The following COG5 variants were observed in gnomAD, a reference collection of about 807,000 sequenced individuals.
The protein encoded by COG5 is component of oligomeric golgi complex 5, also known as conserved oligomeric Golgi complex subunit 5.
COG5 carries 86 observed loss-of-function variants against 110.4 expected under a neutral mutation model. The observed-to-expected ratio is 0.78, with a 90% CI of 0.65 to 0.93. COG5 has a LOEUF of 0.93. Ranked by LOEUF, COG5 falls within the 40% of genes least tolerant of loss-of-function variation. COG5 has a pLI of 0.00. For missense variants in COG5, 1,077 were observed against 987.0 expected, an observed-to-expected ratio of 1.09 and a Z score of -1.22; for synonymous variants, 360 against 334.6, an observed-to-expected ratio of 1.08 and a Z score of -0.83.
rs545207041 is a variant in COG5, at chr7:107,227,408, T to C, written c.2168+3207A>G. Among the ~76,000 whole-genome samples the C allele has an allele frequency of 7.5e-5, 11 of 147,102 alleles. 1 individual carries two copies. The South Asian group carries it at 2.4e-3, about 31-fold the overall frequency. On this transcript the variant is annotated intron_variant, in intron 19 of 21. Transcript: ENST00000297135. ...CTGTTACGCCATAAGAAGCTAGATA[T>C]AAAAAAAAAAGTAGAACTATTAAAA...
intron 6 of COG5, among the ~76,000 whole-genome samples, chr7:107,509,623 A>G (rs1799336028): frequency 6.6e-6 from 1 of 152,216 alleles, no homozygotes. Context: ...GAAATGAAGG[A>G]CAAAATGTTA....
In COG5 at chr7:107,560,666, G is replaced by A. The variant is rs575275336; in HGVS notation, c.95-2551C>T. Among the ~76,000 whole-genome samples, 10 of 152,218 alleles carry A rather than the reference G, an allele frequency of 6.6e-5. No individual in the cohort carries two copies. In the East Asian group the frequency reaches 1.5e-3, roughly 23 times the overall value. On this transcript the variant is annotated intron_variant, in intron 1 of 21. Transcript: ENST00000297135. ...ACCAGAGGAAAAGATTAGGAGAGAA[G>A]AACAGAAAAAGTGAATTCATTTCAT...
chr7:107,372,249 T>A (rs770590018), intron 8 of COG5, among the ~76,000 whole-genome samples: 10 of 152,206 alleles, frequency 6.6e-5, no homozygotes, highest in Non-Finnish European at 1.2e-4. Flanking sequence ...CCTTAAAAAA[T>A]ATTTTCTGTC....
chr7:107,240,719 C>T (rs1159354666), intron 17 of COG5, among the ~76,000 whole-genome samples: 2 of 152,234 alleles, frequency 1.3e-5, no homozygotes, highest in African/African-American at 4.8e-5. Context: ...TCCAACTCCA[C>T]CTCATATTTC....
intron 6 of COG5, among the ~76,000 whole-genome samples, chr7:107,452,754 C>T (rs1161699443): frequency 3.3e-5 from 5 of 152,260 alleles, no homozygotes; most frequent in South Asian, 4.1e-4. Flanking sequence ...AGTGTGAAAA[C>T]GGACTAATAC....
intron 6 of COG5, among the ~76,000 whole-genome samples, chr7:107,479,608 T>C (rs1395368201): frequency 6.6e-6 from 1 of 152,010 alleles, no homozygotes; most frequent in Non-Finnish European, 1.5e-5. Flanking sequence ...ATGATGACCA[T>C]AAGGAAGACC....
In COG5 at chr7:107,547,863, T is replaced by C. The variant is rs1802560436; in HGVS notation, c.417+248A>G. 6 of 463,750 alleles carry C rather than the reference T, an allele frequency of 1.3e-5. No homozygotes were observed. In the East Asian group the frequency reaches 2.2e-4, roughly 17 times the overall value. 28.7% of individuals were successfully genotyped at this position (463,750 alleles called of 1,614,324 possible). A position where few individuals can be genotyped will look rare whatever the true frequency, so the allele number is the denominator to read the frequency against. ...CTATACATTGAAAGCTATAAAACAT[T>C]GATGAAAGAAATTGAAGAAGATATA... On this transcript the variant is annotated intron_variant, in intron 5 of 21. Transcript: ENST00000297135.
chr7:107,497,167 G>A (rs1468780385), intron 6 of COG5, among the ~76,000 whole-genome samples: 5 of 152,028 alleles, frequency 3.3e-5, no homozygotes, highest in Admixed American at 6.6e-5. Context: ...ATATGTCTGC[G>A]CCACTGCCAC....
At chr7:107,346,820 T>C (rs929466692) in intron 10 of COG5, among the ~76,000 whole-genome samples, 5 of 152,116 alleles carry the variant, frequency 3.3e-5, no homozygotes, top group African/African-American at 9.7e-5. Flanking sequence ...GTCATTTACA[T>C]TAGGTATATC....
chr7:107,366,133 G>C (rs1401183273), intron 8 of COG5, among the ~76,000 whole-genome samples: 1 of 151,970 alleles, frequency 6.6e-6, no homozygotes, highest in Non-Finnish European at 1.5e-5. Context: ...CAAATTACTG[G>C]AATACTCACT....
chr7:107,412,477 TA>T (rs1481198090), intron 7 of COG5, 24 bp downstream of exon 7: 1 of 1,601,040 alleles, frequency 6.2e-7, no homozygotes, highest in Non-Finnish European at 8.5e-7. Flanking sequence ...TTTTTTACAT[TA>T]AAAAACAGTC....
chr7:107,286,482 T>C (rs1448055085), intron 12 of COG5, among the ~76,000 whole-genome samples: 1 of 152,176 alleles, frequency 6.6e-6, no homozygotes, highest in Non-Finnish European at 1.5e-5. Context: ...TAAGAAAATG[T>C]TATTGAGATG....
chr7:107,362,287 T>G (rs1159883037), intron 9 of COG5, 21 bp downstream of exon 9: 2 of 1,567,548 alleles, frequency 1.3e-6, no homozygotes, highest in Non-Finnish European at 8.8e-7. Flanking sequence ...TAATGTTTTT[T>G]CCACTCCTTC....
chr7:107,239,325 C>T (rs1304727899), intron 17 of COG5, among the ~76,000 whole-genome samples: 2 of 151,996 alleles, frequency 1.3e-5, no homozygotes, highest in Non-Finnish European at 2.9e-5. Flanking sequence ...TTGGTCAATG[C>T]CAGCGCACCA....
chr7:107,541,092 A>G (rs1801947193), intron 5 of COG5, among the ~76,000 whole-genome samples: 2 of 152,040 alleles, frequency 1.3e-5, no homozygotes, highest in South Asian at 4.2e-4. Context: ...CGGAGGTTGC[A>G]GTGAGCCAAG....
chr7:107,440,679 T>C (rs1794652045), intron 6 of COG5, among the ~76,000 whole-genome samples: 1 of 152,064 alleles, frequency 6.6e-6, no homozygotes, highest in African/African-American at 2.4e-5. Context: ...CAATCACCAA[T>C]GGCTAATGAT....
intron 10 of COG5, among the ~76,000 whole-genome samples, chr7:107,332,040 G>A (rs998585602): frequency 2.6e-5 from 4 of 152,018 alleles, no homozygotes; most frequent in Admixed American, 2.0e-4. Context: ...GTAGAGATGC[G>A]GTTTCGCCAT....
At chr7:107,548,057 C>T in intron 5 of COG5, 54 bp downstream of exon 5, 5 of 1,465,532 alleles carry the variant, frequency 3.4e-6, no homozygotes, top group South Asian at 1.2e-5. Context: ...ATTTTGTCCA[C>T]TTATGAAAAC....
At chr7:107,504,955 T>G (rs1256541327) in intron 6 of COG5, among the ~76,000 whole-genome samples, 1 of 152,170 alleles carries the variant, frequency 6.6e-6, no homozygotes, top group Admixed American at 6.6e-5. Flanking sequence ...AATTCAGTTC[T>G]TGGTGCTTTC....
Sources: allele counts gnomAD v4.1 joint callset (sites outside exome capture counted in the v4.1 genomes callset), GRCh38; gene constraint gnomAD v4.1.1; transcripts MANE v1.5; gene names NCBI Gene and HGNC (gene_info 2026-07-23, HGNC 2026-07-21).